Variants in TFPI observed in about 807,000 individuals in gnomAD.
TFPI encodes anti-convertin.
A neutral mutation model predicts 34.6 loss-of-function variants in TFPI; 15 were observed. The observed-to-expected ratio is 0.43, with a 90% CI of 0.29 to 0.67. The LOEUF (loss-of-function observed/expected upper bound fraction) is 0.67. Ranked by LOEUF, TFPI falls within the 30% of genes least tolerant of loss-of-function variation. The pLI, the probability that TFPI is intolerant of heterozygous loss-of-function variation, is 0.15. For synonymous variants in TFPI, 105 were observed against 120.1 expected (o/e 0.87, Z 0.82); for missense variants, 301 against 364.0 (o/e 0.83, Z 1.41).
intron 6 of TFPI, among the ~76,000 whole-genome samples, chr2:187,474,755 A>G (rs532155106): frequency 6.6e-6 from 1 of 152,212 alleles, no homozygotes; most frequent in Admixed American, 6.5e-5. Flanking sequence ...CTAACATGTT[A>G]TGAAACATTA....
At chr2:187,509,296 G>T (rs1686452239) in intron 1 of TFPI, among the ~76,000 whole-genome samples, 1 of 152,170 alleles carries the variant, frequency 6.6e-6, no homozygotes, top group African/African-American at 2.4e-5. Context: ...TTGGTATCAG[G>T]ATGATGCTGG....
chr2:187,535,408 T>G (rs746153545), intron 1 of TFPI, among the ~76,000 whole-genome samples: 1 of 152,024 alleles, frequency 6.6e-6, no homozygotes, highest in Non-Finnish European at 1.5e-5. Context: ...TGCAATCAAA[T>G]TAGAACTCAG....
At chr2:187,534,146 C>T (rs562012794) in intron 1 of TFPI, among the ~76,000 whole-genome samples, 2 of 152,340 alleles carry the variant, frequency 1.3e-5, no homozygotes, top group South Asian at 4.1e-4. Context: ...GAACACTCTT[C>T]AGGATATTAT....
chr2:187,466,727 C>T lies in TFPI; in HGVS notation c.*209G>A. 1 of 289,042 alleles carries T rather than the reference C, an allele frequency of 3.5e-6. No homozygotes were observed. Among genetic ancestry groups the T allele is most frequent in the East Asian group, 8.6e-5 (1 of 11,604 alleles). The allele number at this position is 289,042 out of a possible 1,614,324, so 17.9% of individuals were successfully genotyped here. On this transcript the variant is annotated 3_prime_UTR_variant, in exon 8 of 8. Coordinates refer to ENST00000233156, the MANE Select transcript of TFPI (RefSeq NM_006287.6). ...CAGAAAATAAGTAATTTCCCAGTAG[C>T]CAGTTAATAAATTACAGACCTAGAA... is the stretch of plus-strand genomic sequence containing the variant.
chr2:187,488,225 A>G, intron 4 of TFPI, 112 bp downstream of exon 4: 3 of 746,716 alleles, frequency 4.0e-6, no homozygotes, highest in Admixed American at 6.2e-5. Flanking sequence ...TAAGAATTGA[A>G]TATCTATACT....
chr2:187,533,481 T>G (rs1302865096), intron 1 of TFPI, among the ~76,000 whole-genome samples: 3 of 152,050 alleles, frequency 2.0e-5, no homozygotes, highest in Non-Finnish European at 2.9e-5. Flanking sequence ...GACCTGACTG[T>G]TAAAAGGAAA....
chr2:187,498,819 G>T (rs8176442), intron 2 of TFPI, among the ~76,000 whole-genome samples: 1,937 of 151,892 alleles, frequency 0.013, 41 homozygotes, highest in African/African-American at 0.044. Flanking sequence ...ATGATACGGG[G>T]ATAGTTTCAG....
Position 187,464,691 on chromosome 2 carries a change from G to A in TFPI, c.*2245C>T, listed in dbSNP as rs1323501506. The A allele has an allele frequency of 2.0e-5, 3 of 152,070 alleles. No individual in the cohort carries two copies. Among genetic ancestry groups the A allele is most frequent in the East Asian group, 1.9e-4 (1 of 5,190 alleles). 9.4% of individuals were successfully genotyped at this position (152,070 alleles called of 1,614,324 possible). On this transcript the variant is annotated 3_prime_UTR_variant, in exon 8 of 8. Coordinates refer to ENST00000233156, the MANE Select transcript of TFPI (RefSeq NM_006287.6). ...AATGGCAACAGGAAATGTTTCACAA[G>A]GGCCTTTGATTTCCAAAACTCTCAA...
In TFPI at chr2:187,505,703, A is replaced by G. The variant is rs546106076; in HGVS notation, c.-2-1933T>C. On this transcript the variant is annotated intron_variant, in intron 1 of 7. Transcript: ENST00000233156. The stretch of plus-strand genomic sequence containing the variant: ...GACTAGCTCTGATAGTTTTAGCATG[A>G]AACAAGGGACACCTTTTGGACCAAT... Among the ~76,000 whole-genome samples the G allele has an allele frequency of 3.9e-5, 6 of 152,308 alleles. No homozygotes were observed. The East Asian group carries it at 1.2e-3, about 29-fold the overall frequency.
chr2:187,538,543 C>T (rs916486614), intron 1 of TFPI, among the ~76,000 whole-genome samples: 9 of 152,114 alleles, frequency 5.9e-5, no homozygotes, highest in Non-Finnish European at 8.8e-5. Context: ...AATGAGAACA[C>T]GTGGACACAA....
At chr2:187,543,135 A>G (rs938091889) in intron 1 of TFPI, among the ~76,000 whole-genome samples, 3 of 152,206 alleles carry the variant, frequency 2.0e-5, no homozygotes, top group African/African-American at 7.2e-5. Flanking sequence ...TGTTCTTTCA[A>G]TGTTTAGAAA....
At chr2:187,488,194 T>G in intron 4 of TFPI, 143 bp downstream of exon 4, 1 of 564,578 alleles carries the variant, frequency 1.8e-6, no homozygotes, top group Non-Finnish European at 3.1e-6. Flanking sequence ...TGGATTTTTT[T>G]AAATCAATCT....
intron 6 of TFPI, 93 bp from the exon 7 acceptor site, chr2:187,468,025 T>C (rs1346851383): frequency 5.5e-6 from 6 of 1,087,776 alleles, no homozygotes; most frequent in East Asian, 2.8e-5. Context: ...TGTTGTTGCA[T>C]GTGTATGTAA....
Position 187,530,329 on chromosome 2 carries a change from G to A in TFPI, c.-3+23871C>T, listed in dbSNP as rs538261651. On this transcript the variant is annotated intron_variant, in intron 1 of 7. Coordinates refer to ENST00000233156, the MANE Select transcript of TFPI (RefSeq NM_006287.6). The stretch of plus-strand genomic sequence containing the variant: ...AATTGGAGATCTTTTTCAAAATTGC[G>A]CACAATAAAATTCGCATACTAAACA... Among the ~76,000 whole-genome samples the A allele has an allele frequency of 9.2e-5, 14 of 152,062 alleles. No homozygotes were observed. The South Asian group carries it at 2.1e-3, about 23-fold the overall frequency.
In TFPI at chr2:187,525,749, A is replaced by G. The variant is rs540502601; in HGVS notation, c.-2-21979T>C. Among the ~76,000 whole-genome samples the G allele has an allele frequency of 4.6e-4, 70 of 152,142 alleles. 1 individual carries two copies. The highest frequency in any genetic ancestry group is 9.4e-4 in the Non-Finnish European group (64 of 67,994). On this transcript the variant is annotated intron_variant, in intron 1 of 7. Coordinates refer to ENST00000233156, the MANE Select transcript of TFPI (RefSeq NM_006287.6). ...CACATAGAGGAAAGACTGAACATCTATAAATCAAGGACAGAAGGCTCAGAA... is the reference window on the plus strand; with the variant it reads ...CACATAGAGGAAAGACTGAACATCTGTAAATCAAGGACAGAAGGCTCAGAA...
At chr2:187,484,579 AG>A (rs755868059) in intron 5 of TFPI, 3 of 497,644 alleles carry the variant, frequency 6.0e-6, no homozygotes, top group African/African-American at 2.0e-5. Context: ...CAGTATTCTC[AG>A]GAAGAAGAAT....
At chr2:187,496,511 A>T (rs1251217289) in intron 3 of TFPI, among the ~76,000 whole-genome samples, 1 of 152,064 alleles carries the variant, frequency 6.6e-6, no homozygotes, top group South Asian at 2.1e-4. Context: ...TGTCTTTATT[A>T]TGGATAAGAG....
At chr2:187,540,043 C>G (rs1688490787) in intron 1 of TFPI, among the ~76,000 whole-genome samples, 1 of 151,916 alleles carries the variant, frequency 6.6e-6, no homozygotes, top group Non-Finnish European at 1.5e-5. Context: ...TACAGGCGCC[C>G]ACCACCACGC....
At chr2:187,522,341 G>A (rs183180907) in intron 1 of TFPI, among the ~76,000 whole-genome samples, 137 of 152,158 alleles carry the variant, frequency 9.0e-4, no homozygotes, top group African/African-American at 2.9e-3. Context: ...TTTTCAGGTA[G>A]TAACTATAAT....
Sources: gnomAD v4.1 joint callset for allele counts (sites outside exome capture counted in the v4.1 genomes callset) on GRCh38, gnomAD v4.1.1 for gene constraint, MANE v1.5 for transcripts, NCBI Gene and HGNC (gene_info 2026-07-23, HGNC 2026-07-21) for gene names.